Variants in USP32 observed in about 807,000 individuals in gnomAD.
The protein encoded by USP32 is ubiquitin carboxyl-terminal hydrolase 32.
In USP32, 59 loss-of-function variants were observed where a neutral mutation model predicts 204.8. The ratio of observed to expected loss-of-function variants is 0.29; its 90% confidence interval spans 0.23 to 0.36. The LOEUF is 0.36. Ranked by LOEUF, USP32 falls within the 10% of genes least tolerant of loss-of-function variation. USP32 has a pLI of 1.00. For missense variants in USP32, 1,160 were observed against 1,946.4 expected (o/e 0.60, Z 7.60); for synonymous variants, 517 against 678.4 (o/e 0.76, Z 3.70).
chr17:60,298,718 G>C (rs183448280), intron 3 of USP32, among the ~76,000 whole-genome samples: 1 of 152,224 alleles, frequency 6.6e-6, no homozygotes, highest in East Asian at 1.9e-4. Context: ...ATGCTAATTT[G>C]CAAAAATCAG....
Position 60,357,383 on chromosome 17 carries a change from T to G in USP32, c.59-11775A>C, listed in dbSNP as rs145057528. Among the ~76,000 whole-genome samples the G allele has an allele frequency of 6.2e-4, 95 of 152,016 alleles. No homozygotes were observed. In the Middle Eastern group the frequency reaches 0.037, roughly 60 times the overall value. The stretch of plus-strand genomic sequence containing the variant: ...CAGGAGGACTGCTTGAGCCCAGGAG[T>G]TGGAGGCTGCAGTGAGCTATGATTG... On this transcript the variant is annotated intron_variant, in intron 1 of 33. Transcript: ENST00000300896.
chr17:60,219,649 A>G (rs761278201), intron 16 of USP32, 21 bp downstream of exon 16: 1 of 1,606,732 alleles, frequency 6.2e-7, no homozygotes, highest in Non-Finnish European at 8.5e-7. Context: ...TGCTGAGGAA[A>G]CATTCTCAGG....
In USP32 at chr17:60,212,001, A is replaced by T. The variant is rs528160122; in HGVS notation, c.2179+23T>A. 270 of 1,514,856 alleles carry T rather than the reference A, an allele frequency of 1.8e-4. 3 individuals carry two copies. The East Asian group carries it at 6.0e-3, about 34-fold the overall frequency. The allele number at this position is 1,514,856 out of a possible 1,614,324, so 93.8% of individuals were successfully genotyped here. On this transcript the variant is annotated intron_variant, in intron 19 of 33. Coordinates refer to ENST00000300896, the MANE Select transcript of USP32 (RefSeq NM_032582.4). Reference sequence around the variant, plus strand: ...AGAATACATTTAAAATAATCTCTTTAAAAAATAATACTGGAGACTTACCCT... The same window carrying T: ...AGAATACATTTAAAATAATCTCTTTTAAAAATAATACTGGAGACTTACCCT...
At chr17:60,421,294 T>G in intron 1 of USP32, 2 of 874,362 alleles carry the variant, frequency 2.3e-6, no homozygotes, top group Non-Finnish European at 2.7e-6. Flanking sequence ...CTGAACATGC[T>G]GGCATAGAGG....
chr17:60,377,775 T>C (rs1394279582), intron 1 of USP32, among the ~76,000 whole-genome samples: 2 of 152,180 alleles, frequency 1.3e-5, no homozygotes, highest in African/African-American at 2.4e-5. Context: ...AAGGACTCTA[T>C]CTAGGGAAGT....
chr17:60,363,992 C>T (rs1458598196), intron 1 of USP32, among the ~76,000 whole-genome samples: 3 of 152,088 alleles, frequency 2.0e-5, no homozygotes, highest in African/African-American at 7.2e-5. Context: ...CCAAAACATG[C>T]TTAATCTGTT....
chr17:60,278,320 T>A (rs966811804), intron 5 of USP32, among the ~76,000 whole-genome samples: 2 of 151,890 alleles, frequency 1.3e-5, no homozygotes, highest in African/African-American at 4.8e-5. Context: ...ACAATTATGT[T>A]TAGAGATGAG....
At chr17:60,219,484 T>C (rs1400550279) in intron 16 of USP32, 186 bp downstream of exon 16, 1 of 812,370 alleles carries the variant, frequency 1.2e-6, no homozygotes, top group Non-Finnish European at 1.8e-6. Flanking sequence ...TAAAAATTAA[T>C]TACTGAGTCT....
intron 1 of USP32, among the ~76,000 whole-genome samples, chr17:60,347,556 T>C (rs1003037443): frequency 4.0e-5 from 6 of 151,286 alleles, no homozygotes; most frequent in African/African-American, 1.5e-4. Flanking sequence ...GGTTTCACTG[T>C]GTTAGCCAGG....
intron 1 of USP32, among the ~76,000 whole-genome samples, chr17:60,404,664 C>A (rs367794928): frequency 1.3e-5 from 2 of 152,160 alleles, no homozygotes; most frequent in South Asian, 4.1e-4. Context: ...GAAGAGTGCA[C>A]CTCAGCCTCC....
chr17:60,407,837 C>CATGT (rs1437004001), intron 1 of USP32, among the ~76,000 whole-genome samples: 1 of 147,952 alleles, frequency 6.8e-6, no homozygotes, highest in Non-Finnish European at 1.5e-5. Context: ...GTGGCTCACG[C>CATGT]ATGTAATTCC....
At position 60,252,404 on chromosome 17, in the gene USP32, C is replaced by A; in HGVS notation, c.1113G>T (p.Pro371=). Residue 371 remains proline, a synonymous_variant, in exon 11 of 34, where the codon CCG becomes CCT. Coordinates refer to ENST00000300896, the MANE Select transcript of USP32 (RefSeq NM_032582.4). ...HIVLGLRPAT[P]EEEGQIIRGW... is the part of the protein sequence containing the mutation. Reference sequence around the variant, plus strand: ...ACCTAATAATTTGTCCTTCTTCTTCCGGAGTAGCTGGTCTTAACCCCAGAA... The same window carrying A: ...ACCTAATAATTTGTCCTTCTTCTTCAGGAGTAGCTGGTCTTAACCCCAGAA... 6.2e-7 allele frequency: 1 copy of A among 1,608,984 alleles called. No individual in the cohort carries two copies. The highest frequency in any genetic ancestry group is 8.5e-7 in the Non-Finnish European group (1 of 1,177,820).
chr17:60,208,868 A>G (rs766024811), intron 22 of USP32, 40 bp from the exon 23 acceptor site: 1 of 1,514,366 alleles, frequency 6.6e-7, no homozygotes, highest in Non-Finnish European at 8.8e-7. Flanking sequence ...TCAAAATCCA[A>G]AAGAGAAGCA....
In USP32 at chr17:60,284,972, C is replaced by T. The variant is rs141055799; in HGVS notation, c.571+3551G>A. Reference sequence around the variant, plus strand: ...TCCTTGGCTATAAATCCCCACTTGTCGTTGTTATATTGAGAGCTGAGCTTA... The same window carrying T: ...TCCTTGGCTATAAATCCCCACTTGTTGTTGTTATATTGAGAGCTGAGCTTA... On this transcript the variant is annotated intron_variant, in intron 5 of 33. Coordinates refer to ENST00000300896, the MANE Select transcript of USP32 (RefSeq NM_032582.4). Among the ~76,000 whole-genome samples the T allele has an allele frequency of 1.6e-4, 25 of 152,282 alleles. 1 individual carries two copies. The East Asian group carries it at 4.6e-3, about 28-fold the overall frequency.
At chr17:60,320,585 G>A (rs1237812505) in intron 2 of USP32, among the ~76,000 whole-genome samples, 2 of 152,174 alleles carry the variant, frequency 1.3e-5, no homozygotes, top group East Asian at 3.8e-4. Flanking sequence ...ACACAGACAT[G>A]TGGGGGAGCA....
rs1279054208 is a variant in USP32, at chr17:60,246,389, A to G, written c.1136+5992T>C. On this transcript the variant is annotated intron_variant, in intron 11 of 33. Transcript: ENST00000300896. ...ATGGCTGAATAACATTTTATTGTGT[A>G]TGTGTGTGTGTATATATATATATAT... 4.0e-5 allele frequency among the ~76,000 whole-genome samples: 6 copies of G among 150,746 alleles called. No homozygotes were observed. The Middle Eastern group carries it at 0.01, about 256-fold the overall frequency.
chr17:60,203,666 T>C (rs1392462793), intron 26 of USP32, among the ~76,000 whole-genome samples: 1 of 151,972 alleles, frequency 6.6e-6, no homozygotes, highest in Non-Finnish European at 1.5e-5. Flanking sequence ...AACCTCCGCC[T>C]CCCAGGTTCA....
chr17:60,382,180 C>A (rs929887714), intron 1 of USP32, among the ~76,000 whole-genome samples: 1 of 152,228 alleles, frequency 6.6e-6, no homozygotes, highest in African/African-American at 2.4e-5. Flanking sequence ...CTTGCCAGAT[C>A]CTTATCTGTC....
chr17:60,224,937 C>T (rs1408918077), intron 13 of USP32, among the ~76,000 whole-genome samples: 2 of 152,092 alleles, frequency 1.3e-5, no homozygotes, highest in African/African-American at 4.8e-5. Context: ...AGTACCAAGG[C>T]CTAAAGGGAA....
Sources: allele counts gnomAD v4.1 joint callset (sites outside exome capture counted in the v4.1 genomes callset), GRCh38; gene constraint gnomAD v4.1.1; transcripts MANE v1.5; gene names NCBI Gene and HGNC (gene_info 2026-07-23, HGNC 2026-07-21).